The following ADCY2 variants were observed in gnomAD, a reference collection of about 807,000 sequenced individuals.
ADCY2 encodes adenylate cyclase 2, also known as adenylate cyclase type 2.
A neutral mutation model predicts 125.2 loss-of-function variants in ADCY2; 31 were observed. The observed-to-expected ratio is 0.25, with a 90% CI of 0.19 to 0.33. The LOEUF (loss-of-function observed/expected upper bound fraction) is 0.33, where lower values mean the gene tolerates loss of function less well. Among genes scored for constraint, ADCY2 ranks in the 10% least tolerant of loss-of-function variants. The probability of loss-of-function intolerance (pLI) is 1.00; values close to 1 mark genes in which losing one functional copy is unlikely to be tolerated. For missense variants in ADCY2, 904 were observed against 1,418.2 expected (o/e 0.64, Z 5.82); for synonymous variants, 512 against 548.4 (o/e 0.93, Z 0.93).
At chr5:7,602,468 GCA>G (rs1219302164) in intron 3 of ADCY2, among the ~76,000 whole-genome samples, 5 of 152,092 alleles carry the variant, frequency 3.3e-5, no homozygotes, top group African/African-American at 1.2e-4. Context: ...AGACCTTCAT[GCA>G]CAGGGCAGCC....
intron 3 of ADCY2, among the ~76,000 whole-genome samples, chr5:7,614,734 A>G (rs1737693077): frequency 1.3e-5 from 2 of 152,166 alleles, no homozygotes; most frequent in African/African-American, 2.4e-5. Context: ...CTGCAGGGCA[A>G]GAGGAGAATG....
At chr5:7,532,258 A>G (rs1351306127) in intron 3 of ADCY2, among the ~76,000 whole-genome samples, 1 of 152,216 alleles carries the variant, frequency 6.6e-6, no homozygotes, top group Non-Finnish European at 1.5e-5. Context: ...CAAACAGGTG[A>G]TATGTTCACA....
chr5:7,633,688 G>A (rs2126666313), intron 4 of ADCY2, among the ~76,000 whole-genome samples: 1 of 152,220 alleles, frequency 6.6e-6, no homozygotes, highest in Admixed American at 6.5e-5. Flanking sequence ...TCTTGTTGAA[G>A]AAACACCTGG....
In ADCY2 at chr5:7,472,396, T is replaced by C. The variant is rs190487606; in HGVS notation, c.409-48342T>C. ...CTGTTTCTTATGGCTCCTGAAATTA[T>C]CCATATGTTTATAGATTTTGCCTAC... On this transcript the variant is annotated intron_variant, in intron 2 of 24. Transcript: ENST00000338316. Among the ~76,000 whole-genome samples the C allele has an allele frequency of 1.5e-3, 234 of 152,308 alleles. 3 individuals are homozygous for C. Among genetic ancestry groups the C allele is most frequent in the African/African-American group, 5.1e-3 (212 of 41,566 alleles).
At chr5:7,478,187 G>A (rs1246318509) in intron 2 of ADCY2, among the ~76,000 whole-genome samples, 1 of 152,126 alleles carries the variant, frequency 6.6e-6, no homozygotes, top group African/African-American at 2.4e-5. Flanking sequence ...ACTGCTTCCA[G>A]GTGAGCAGGG....
At chr5:7,408,059 A>G (rs917858052) in intron 1 of ADCY2, among the ~76,000 whole-genome samples, 1 of 151,138 alleles carries the variant, frequency 6.6e-6, no homozygotes, top group African/African-American at 2.4e-5. Context: ...TTTAGTAGAG[A>G]CGGGGTTTCA....
rs549620833 is a variant in ADCY2 at position 7,714,849 on chromosome 5, C to T, written c.1622+1950C>T. ...CTGTCTGAGCCTCCAGCCTGGCCCA[C>T]ACACTCCTGTCACATGTCCCTCCCC... is the stretch of plus-strand genomic sequence containing the variant. On this transcript the variant is annotated intron_variant, in intron 11 of 24. Coordinates refer to ENST00000338316, the MANE Select transcript of ADCY2 (RefSeq NM_020546.3). 1.4e-4 allele frequency among the ~76,000 whole-genome samples: 22 copies of T among 152,362 alleles called. No homozygotes were observed. The South Asian group carries it at 2.5e-3, about 17-fold the overall frequency.
At chr5:7,694,848 A>G (rs193228691) in intron 5 of ADCY2, among the ~76,000 whole-genome samples, 11 of 152,150 alleles carry the variant, frequency 7.2e-5, no homozygotes, top group African/African-American at 2.2e-4. Context: ...AGGACCGAAC[A>G]TATTGTTTTT....
At position 7,827,030 on chromosome 5, in the gene ADCY2, C is replaced by T; in HGVS notation, c.*159C>T. On this transcript the variant is annotated 3_prime_UTR_variant, in exon 25 of 25. Transcript: ENST00000338316. The stretch of plus-strand genomic sequence containing the variant: ...GACCCAGTGGCATACCGTTTGGTGT[C>T]TGATGTGTGCCCAGATCGTTCTGCC... 1 of 859,898 alleles carries T rather than the reference C, an allele frequency of 1.2e-6. No homozygotes were observed. The highest frequency in any genetic ancestry group is 3.1e-5 in the Admixed American group (1 of 32,410). The allele number at this position is 859,898 out of a possible 1,614,324, so 53.3% of individuals were successfully genotyped here.
chr5:7,536,828 G>C (rs1279066393), intron 3 of ADCY2, among the ~76,000 whole-genome samples: 1 of 151,384 alleles, frequency 6.6e-6, no homozygotes. Flanking sequence ...TTGTCAGGGG[G>C]TGGGGGGCTA....
At chr5:7,424,789 C>T (rs1004187866) in intron 2 of ADCY2, among the ~76,000 whole-genome samples, 1 of 152,214 alleles carries the variant, frequency 6.6e-6, no homozygotes, top group Admixed American at 6.5e-5. Context: ...GGCAGCATTA[C>T]TGTTGGGGAA....
intron 3 of ADCY2, among the ~76,000 whole-genome samples, chr5:7,611,859 A>T (rs1344256428): frequency 6.6e-6 from 1 of 152,232 alleles, no homozygotes; most frequent in Non-Finnish European, 1.5e-5. Context: ...TAGGCAAGTA[A>T]TCCAAAGCTC....
At chr5:7,468,941 A>G (rs955035674) in intron 2 of ADCY2, among the ~76,000 whole-genome samples, 2 of 152,282 alleles carry the variant, frequency 1.3e-5, no homozygotes, top group South Asian at 2.1e-4. Context: ...TGCCAAAGCT[A>G]TATCACTCCA....
intron 2 of ADCY2, among the ~76,000 whole-genome samples, chr5:7,469,897 TTTG>T (rs545907722): frequency 2.0e-4 from 31 of 151,868 alleles, no homozygotes; most frequent in African/African-American, 7.5e-4. Context: ...TTGGTAAGGC[TTTG>T]TTGTTTTCTA....
At chr5:7,815,426 G>T (rs1745078055) in intron 22 of ADCY2, among the ~76,000 whole-genome samples, 1 of 152,186 alleles carries the variant, frequency 6.6e-6, no homozygotes, top group African/African-American at 2.4e-5. Context: ...AGGCCCAGCA[G>T]CCCAGCAGGC....
At chr5:7,746,052 G>A (rs991350898) in intron 15 of ADCY2, among the ~76,000 whole-genome samples, 13 of 152,172 alleles carry the variant, frequency 8.5e-5, no homozygotes, top group African/African-American at 3.1e-4. Context: ...GCCCCGGTAA[G>A]CTGTCAAGGT....
At chr5:7,664,846 T>C (rs959295768) in intron 4 of ADCY2, among the ~76,000 whole-genome samples, 3 of 152,190 alleles carry the variant, frequency 2.0e-5, no homozygotes, top group African/African-American at 7.2e-5. Flanking sequence ...GAGATTCCTC[T>C]GCACAGTACA....
intron 3 of ADCY2, among the ~76,000 whole-genome samples, chr5:7,602,053 T>C (rs1161840029): frequency 6.6e-6 from 1 of 152,186 alleles, no homozygotes; most frequent in Non-Finnish European, 1.5e-5. Flanking sequence ...GTCTGTATCT[T>C]CACATGGCCT....
chr5:7,822,776 CAGAA>C (rs1745342916), intron 24 of ADCY2, among the ~76,000 whole-genome samples: 3 of 152,136 alleles, frequency 2.0e-5, no homozygotes, highest in Admixed American at 6.5e-5. Flanking sequence ...GTCTCACTCT[CAGAA>C]AGCAGTGGAT....
Sources: allele counts gnomAD v4.1 joint callset (sites outside exome capture counted in the v4.1 genomes callset), GRCh38; gene constraint gnomAD v4.1.1; transcripts MANE v1.5; gene names NCBI Gene and HGNC (gene_info 2026-07-23, HGNC 2026-07-21).